TMEM132C: variants seen among roughly 807,000 people sequenced by gnomAD.
TMEM132C encodes the protein protein phosphatase 1, regulatory subunit 152.
TMEM132C carries 29 observed loss-of-function variants against 61.4 expected under a neutral mutation model. That is an observed-to-expected ratio of 0.47 (90% CI 0.35 to 0.64). The LOEUF is 0.64. TMEM132C is among the 30% of genes least tolerant of loss of function. The pLI is 0.00. For missense variants in TMEM132C, 1,408 were observed against 1,476.9 expected (o/e 0.95, Z 0.76); for synonymous variants, 656 against 633.1 (o/e 1.04, Z -0.54).
intron 5 of TMEM132C, among the ~76,000 whole-genome samples, chr12:128,686,437 T>A (rs1954677825): frequency 6.6e-6 from 1 of 152,196 alleles, no homozygotes; most frequent in Admixed American, 6.5e-5. Context: ...AAACAAATGC[T>A]TTTTTAATTA....
At chr12:128,480,582 C>T (rs1159460807) in intron 2 of TMEM132C, among the ~76,000 whole-genome samples, 1 of 152,164 alleles carries the variant, frequency 6.6e-6, no homozygotes, top group Admixed American at 6.5e-5. Context: ...TGCTGCAGCA[C>T]CCCGGGGCCT....
At chr12:128,597,491 AGG>A (rs1350019998) in intron 3 of TMEM132C, among the ~76,000 whole-genome samples, 52 of 66,546 alleles carry the variant, frequency 7.8e-4, no homozygotes, top group East Asian at 4.6e-3. Context: ...GAAGGAAGGA[AGG>A]AAAGAAGGAA....
chr12:128,561,614 T>C (rs78222762), intron 3 of TMEM132C, among the ~76,000 whole-genome samples: 3,217 of 152,308 alleles, frequency 0.021, 122 homozygotes, highest in African/African-American at 0.073. Flanking sequence ...GACGTCATTG[T>C]TGGTTAGAAA....
intron 1 of TMEM132C, among the ~76,000 whole-genome samples, chr12:128,298,454 A>G (rs1871490653): frequency 6.6e-6 from 1 of 152,096 alleles, no homozygotes; most frequent in Non-Finnish European, 1.5e-5. Context: ...AGGAAGTTGC[A>G]TAAAATAGTA....
chr12:128,305,676 G>C (rs1431779386), intron 1 of TMEM132C, among the ~76,000 whole-genome samples: 4 of 151,894 alleles, frequency 2.6e-5, no homozygotes, highest in Non-Finnish European at 4.4e-5. Flanking sequence ...TTAAAAATGA[G>C]ACCTCCCGGC....
At chr12:128,642,184 T>G (rs1270657565) in intron 4 of TMEM132C, among the ~76,000 whole-genome samples, 1 of 152,024 alleles carries the variant, frequency 6.6e-6, no homozygotes, top group Non-Finnish European at 1.5e-5. Context: ...CATGCTGGAG[T>G]GCAGTGGTGC....
chr12:128,343,976 A>G (rs1873064705), intron 1 of TMEM132C, among the ~76,000 whole-genome samples: 1 of 152,200 alleles, frequency 6.6e-6, no homozygotes, highest in South Asian at 2.1e-4. Context: ...GCATGTATGA[A>G]TAATTCATTC....
intron 3 of TMEM132C, among the ~76,000 whole-genome samples, chr12:128,594,600 G>A (rs1017111645): frequency 3.3e-5 from 5 of 152,182 alleles, no homozygotes; most frequent in Non-Finnish European, 7.3e-5. Context: ...ATTGGAGAAA[G>A]TGAAAGAACA....
chr12:128,367,918 G>C (rs1873916092), intron 1 of TMEM132C, among the ~76,000 whole-genome samples: 1 of 152,136 alleles, frequency 6.6e-6, no homozygotes, highest in Admixed American at 6.5e-5. Context: ...TTTGAGGCTT[G>C]CATTCTATTT....
At chr12:128,330,264 A>T (rs1045401862) in intron 1 of TMEM132C, among the ~76,000 whole-genome samples, 1 of 152,166 alleles carries the variant, frequency 6.6e-6, no homozygotes, top group Non-Finnish European at 1.5e-5. Context: ...TTCTCTTTAC[A>T]CTTCTGTTGC....
intron 1 of TMEM132C, among the ~76,000 whole-genome samples, chr12:128,359,456 GTGGGGAT>G (rs1363748373): frequency 2.6e-5 from 4 of 152,194 alleles, no homozygotes; most frequent in African/African-American, 9.7e-5. Context: ...CCCTTGCCAT[GTGGGGAT>G]TATTACCATT....
intron 2 of TMEM132C, among the ~76,000 whole-genome samples, chr12:128,531,393 C>T (rs1873296468): frequency 2.0e-5 from 3 of 152,206 alleles, no homozygotes; most frequent in Non-Finnish European, 1.5e-5. Flanking sequence ...ACACGTTTGA[C>T]TGCAGCTGTT....
chr12:128,605,735 C>T (rs567301489), intron 3 of TMEM132C, among the ~76,000 whole-genome samples: 1 of 152,274 alleles, frequency 6.6e-6, no homozygotes, highest in African/African-American at 2.4e-5. Context: ...TTCCCTCATT[C>T]CCCTTTTTAT....
chr12:128,671,533 A>C (rs1177960560), intron 5 of TMEM132C, among the ~76,000 whole-genome samples: 1 of 152,194 alleles, frequency 6.6e-6, no homozygotes, highest in African/African-American at 2.4e-5. Context: ...ACAGATAGCA[A>C]CCAGCCTTCT....
intron 5 of TMEM132C, among the ~76,000 whole-genome samples, chr12:128,690,103 T>G (rs1954708235): frequency 6.6e-6 from 1 of 152,160 alleles, no homozygotes; most frequent in Non-Finnish European, 1.5e-5. Flanking sequence ...CATATGTGGC[T>G]CCACCAAGCC....
At chr12:128,461,052 A>C (rs1870517541) in intron 2 of TMEM132C, among the ~76,000 whole-genome samples, 1 of 152,176 alleles carries the variant, frequency 6.6e-6, no homozygotes, top group Non-Finnish European at 1.5e-5. Flanking sequence ...TGTTTGCAAA[A>C]AAAGAAAAAA....
chr12:128,638,012 C>T (rs1954116457), intron 4 of TMEM132C, among the ~76,000 whole-genome samples: 1 of 152,154 alleles, frequency 6.6e-6, no homozygotes, highest in African/African-American at 2.4e-5. Flanking sequence ...CATGAGAGTG[C>T]TTTCATTTTC....
intron 1 of TMEM132C, among the ~76,000 whole-genome samples, chr12:128,393,192 A>T (rs1040809631): frequency 1.2e-4 from 18 of 152,186 alleles, no homozygotes; most frequent in African/African-American, 4.1e-4. Context: ...AACACTGAAC[A>T]ATCTTCCTCT....
At chr12:128,683,714 C>T (rs760013972) in intron 5 of TMEM132C, among the ~76,000 whole-genome samples, 1 of 152,188 alleles carries the variant, frequency 6.6e-6, no homozygotes, top group Non-Finnish European at 1.5e-5. Flanking sequence ...CGCCTGTAAT[C>T]CTAGCACTTT....
Sources: gnomAD v4.1 joint callset for allele counts (sites outside exome capture counted in the v4.1 genomes callset) on GRCh38, gnomAD v4.1.1 for gene constraint, MANE v1.5 for transcripts, NCBI Gene and HGNC (gene_info 2026-07-23, HGNC 2026-07-21) for gene names.